Variants in SLC44A5 observed in about 807,000 individuals in gnomAD.
SLC44A5 encodes the protein solute carrier family 44 member 5, also known as choline transporter-like protein 5.
SLC44A5 carries 57 observed loss-of-function variants against 101.8 expected under a neutral mutation model. The ratio of observed to expected loss-of-function variants is 0.56; its 90% CI spans 0.45 to 0.70. The LOEUF (loss-of-function observed/expected upper bound fraction) is 0.70, where lower values mean the gene tolerates loss of function less well. Ranked by LOEUF, SLC44A5 falls within the 30% of genes least tolerant of loss-of-function variation. The pLI, the probability that SLC44A5 is intolerant of heterozygous loss-of-function variation, is 0.00. For synonymous variants in SLC44A5, 281 were observed against 290.9 expected (o/e 0.97, Z 0.35); for missense variants, 737 against 853.1 (o/e 0.86, Z 1.70).
intron 1 of SLC44A5, among the ~76,000 whole-genome samples, chr1:75,576,980 C>A (rs747013388): frequency 6.6e-6 from 1 of 152,206 alleles, no homozygotes; most frequent in Non-Finnish European, 1.5e-5. Flanking sequence ...AAACTGAATT[C>A]TTGATCTTCC....
At chr1:75,311,370 GCCT>G (rs1422592603) in intron 4 of SLC44A5, among the ~76,000 whole-genome samples, 6 of 152,166 alleles carry the variant, frequency 3.9e-5, no homozygotes, top group Non-Finnish European at 7.4e-5. Flanking sequence ...GCTGGGCTTG[GCCT>G]CCCAAAGTGC....
the SLC44A5 span, among the ~76,000 whole-genome samples, chr1:75,691,448 G>C: frequency 6.6e-6 from 1 of 152,196 alleles, no homozygotes. Context: ...AAGCTACAGA[G>C]TGAAATCAGT....
At chr1:75,588,263 G>C (rs1486664916) in intron 1 of SLC44A5, among the ~76,000 whole-genome samples, 2 of 147,676 alleles carry the variant, frequency 1.4e-5, no homozygotes, top group African/African-American at 2.5e-5. Context: ...AGGGAAGGAG[G>C]GGGGAGGAAG....
At chr1:75,699,816 C>T in the SLC44A5 span, among the ~76,000 whole-genome samples, 1 of 151,962 alleles carries the variant, frequency 6.6e-6, no homozygotes, top group African/African-American at 2.4e-5. Context: ...GGAAGATCTA[C>T]CAAGCAAATG....
At chr1:75,260,564 C>T (rs1289740152) in intron 6 of SLC44A5, among the ~76,000 whole-genome samples, 1 of 152,030 alleles carries the variant, frequency 6.6e-6, no homozygotes, top group Non-Finnish European at 1.5e-5. Context: ...GACTCCCACA[C>T]AATAATAGTG....
At chr1:75,303,899 A>G (rs1007178098) in intron 4 of SLC44A5, among the ~76,000 whole-genome samples, 46 of 152,222 alleles carry the variant, frequency 3.0e-4, no homozygotes, top group African/African-American at 9.2e-4. Flanking sequence ...GCGCATGTAT[A>G]CATATGTAAC....
intron 4 of SLC44A5, among the ~76,000 whole-genome samples, chr1:75,302,640 A>G (rs1654579936): frequency 6.6e-6 from 1 of 152,174 alleles, no homozygotes; most frequent in South Asian, 2.1e-4. Flanking sequence ...AATTAAGCAC[A>G]ATGAAGAAGT....
intron 22 of SLC44A5, among the ~76,000 whole-genome samples, chr1:75,211,902 CTCTT>C (rs1316129578): frequency 6.7e-6 from 1 of 148,218 alleles, no homozygotes; most frequent in Non-Finnish European, 1.5e-5. Flanking sequence ...TTCTCTCTCT[CTCTT>C]TCTCTTTCTT....
At chr1:75,636,148 GTATGAGTGAGAA>G in the SLC44A5 span, among the ~76,000 whole-genome samples, 2 of 151,646 alleles carry the variant, frequency 1.3e-5, no homozygotes, top group African/African-American at 4.9e-5. Flanking sequence ...TAGCTTCCAC[GTATGAGTGAGAA>G]CATGCGATGT....
At chr1:75,691,535 T>A in the SLC44A5 span, among the ~76,000 whole-genome samples, 1 of 152,122 alleles carries the variant, frequency 6.6e-6, no homozygotes, top group South Asian at 2.1e-4. Flanking sequence ...GAAAAACTTG[T>A]AAGGCCACGA....
rs560188625 is a variant in SLC44A5 at position 75,574,053 on chromosome 1, C to T, written c.-69-32537G>A. 4.6e-5 allele frequency among the ~76,000 whole-genome samples: 7 copies of T among 152,264 alleles called. No individual in the cohort carries two copies. The South Asian group carries it at 1.4e-3, about 32-fold the overall frequency. ...CAGCTGAATAACCTTCATGAGGTAG[C>T]ATTTGGAAAAATATTTTTTTAAAAA... On this transcript the variant is annotated intron_variant, in intron 1 of 23. Coordinates refer to ENST00000370859, the MANE Select transcript of SLC44A5 (RefSeq NM_001130058.2).
upstream of SLC44A5, among the ~76,000 whole-genome samples, chr1:75,614,494 T>C (rs1300149220): frequency 6.6e-6 from 1 of 152,198 alleles, no homozygotes; most frequent in Non-Finnish European, 1.5e-5. Context: ...CTTTGAGTAC[T>C]CCGGAGCAAT....
chr1:75,392,401 AATGCTTCACATC>A (rs1389841638), intron 3 of SLC44A5, among the ~76,000 whole-genome samples: 1 of 152,234 alleles, frequency 6.6e-6, no homozygotes, highest in Non-Finnish European at 1.5e-5. Context: ...AAACGAAAAA[AATGCTTCACATC>A]ATGCATCATC....
chr1:75,352,417 A>C (rs1006189513), intron 3 of SLC44A5, among the ~76,000 whole-genome samples: 1 of 150,360 alleles, frequency 6.7e-6, no homozygotes, highest in Admixed American at 6.6e-5. Flanking sequence ...ATGTGTTCTC[A>C]TTGGAGAACT....
At chr1:75,626,092 C>T in the SLC44A5 span, among the ~76,000 whole-genome samples, 4 of 152,084 alleles carry the variant, frequency 2.6e-5, no homozygotes, top group African/African-American at 9.7e-5. Flanking sequence ...ATTAAGAAAA[C>T]ATTGAAAGAA....
At chr1:75,648,386 T>A in the SLC44A5 span, among the ~76,000 whole-genome samples, 1 of 152,182 alleles carries the variant, frequency 6.6e-6, no homozygotes, top group African/African-American at 2.4e-5. Flanking sequence ...AATGAACTAA[T>A]ACAACAGTCA....
At chr1:75,677,330 CAAAAAG>C in the SLC44A5 span, among the ~76,000 whole-genome samples, 9 of 152,080 alleles carry the variant, frequency 5.9e-5, no homozygotes, top group Middle Eastern at 6.8e-3. Flanking sequence ...ATGGAAACAA[CAAAAAG>C]AAAAAGTGTT....
intron 5 of SLC44A5, among the ~76,000 whole-genome samples, chr1:75,297,849 A>C (rs1310895316): frequency 6.6e-6 from 1 of 152,188 alleles, no homozygotes; most frequent in Non-Finnish European, 1.5e-5. Context: ...TTCATCAATC[A>C]AATGTTAAGT....
chr1:75,424,860 G>A (rs1664214934), intron 2 of SLC44A5, among the ~76,000 whole-genome samples: 1 of 152,082 alleles, frequency 6.6e-6, no homozygotes, highest in Admixed American at 6.5e-5. Flanking sequence ...GAAGAATTTA[G>A]TGAGCCAACT....
Sources: allele counts gnomAD v4.1 joint callset (sites outside exome capture counted in the v4.1 genomes callset), GRCh38; gene constraint gnomAD v4.1.1; transcripts MANE v1.5; gene names NCBI Gene and HGNC (gene_info 2026-07-23, HGNC 2026-07-21).